The following CORO1C variants were observed in gnomAD, a reference collection of about 807,000 sequenced individuals.
CORO1C encodes the protein coronin-1C.
A neutral mutation model predicts 51.2 loss-of-function variants in CORO1C; 14 were observed. The observed-to-expected ratio is 0.27, with a 90% CI of 0.18 to 0.43. The LOEUF (loss-of-function observed/expected upper bound fraction) is 0.43, where lower values mean the gene tolerates loss of function less well. CORO1C is among the 20% of genes least tolerant of loss of function. The pLI is 1.00. For synonymous variants in CORO1C, 181 were observed against 210.5 expected (o/e 0.86, Z 1.21); for missense variants, 417 against 607.8 (o/e 0.69, Z 3.30).
intron 1 of CORO1C, among the ~76,000 whole-genome samples, chr12:108,717,257 T>G (rs1297837319): frequency 6.6e-6 from 1 of 152,230 alleles, no homozygotes; most frequent in East Asian, 1.9e-4. Context: ...TCTGGACTAC[T>G]TAGCCCACAG....
In CORO1C at chr12:108,680,296, C is replaced by T. The variant is rs148017712; in HGVS notation, c.196-1902G>A. On this transcript the variant is annotated intron_variant, in intron 2 of 10. Transcript: ENST00000261401. ...GGGAAAGGTAAGTTCTAAGTTGAGGCCTGAATATGGCCCTGTTTACAGACC... is the reference window on the plus strand; with the variant it reads ...GGGAAAGGTAAGTTCTAAGTTGAGGTCTGAATATGGCCCTGTTTACAGACC... Among the ~76,000 whole-genome samples, 7 of 152,286 alleles carry T rather than the reference C, an allele frequency of 4.6e-5. No individual in the cohort carries two copies. In the East Asian group the frequency reaches 9.6e-4, roughly 21 times the overall value.
At chr12:108,664,511 A>G (rs944485449) in intron 3 of CORO1C, among the ~76,000 whole-genome samples, 20 of 152,234 alleles carry the variant, frequency 1.3e-4, no homozygotes, top group African/African-American at 4.8e-4. Flanking sequence ...TATGCAAATC[A>G]TAACAAAAAT....
At chr12:108,718,980 C>T (rs1180202406) in intron 1 of CORO1C, among the ~76,000 whole-genome samples, 6 of 152,246 alleles carry the variant, frequency 3.9e-5, no homozygotes, top group South Asian at 2.1e-4. Context: ...CAAATAAACA[C>T]GGCCCACTTT....
chr12:108,684,616 T>C (rs2034236565), intron 2 of CORO1C, among the ~76,000 whole-genome samples: 1 of 152,144 alleles, frequency 6.6e-6, no homozygotes, highest in South Asian at 2.1e-4. Context: ...AAAAATATGA[T>C]ACATATTTGA....
chr12:108,649,167 G>T, intron 8 of CORO1C, 147 bp from the exon 9 acceptor site: 1 of 830,874 alleles, frequency 1.2e-6, no homozygotes, highest in Non-Finnish European at 1.9e-6. Context: ...GGAATAGGCA[G>T]AATTTAGTGT....
At chr12:108,693,760 A>G (rs4964734) in intron 2 of CORO1C, among the ~76,000 whole-genome samples, 93,012 of 152,072 alleles carry the variant, frequency 0.61, 29,292 homozygotes, top group East Asian at 0.99. Flanking sequence ...TTGCCCTCCT[A>G]GGGACAGAGC....
chr12:108,729,696 C>T (rs1273246566), intron 1 of CORO1C, among the ~76,000 whole-genome samples: 1 of 152,168 alleles, frequency 6.6e-6, no homozygotes, highest in African/African-American at 2.4e-5. Context: ...TACCTCCAAA[C>T]CAAAAATACT....
intron 1 of CORO1C, among the ~76,000 whole-genome samples, chr12:108,719,796 C>T (rs907392867): frequency 1.1e-4 from 17 of 152,156 alleles, no homozygotes; most frequent in African/African-American, 3.9e-4. Flanking sequence ...CTTTAAATCC[C>T]CTTGACAGAA....
At position 108,658,496 on chromosome 12, in the gene CORO1C, A is replaced by T. The variant is rs561719647; in HGVS notation, c.630+242T>A. On this transcript the variant is annotated intron_variant, in intron 5 of 10. Transcript: ENST00000261401. The surrounding 1 kb of genome is among the most constrained non-coding windows in gnomAD (Gnocchi z 4.9). ...TAAGGACTCTAGTGAACTGATACAA[A>T]CTATTTCTTTGTGAAAAAAGGCTAC... 1.3e-5 allele frequency among the ~76,000 whole-genome samples: 2 copies of T among 152,328 alleles called. No homozygotes were observed. Among genetic ancestry groups the T allele is most frequent in the South Asian group, 4.1e-4 (2 of 4,828 alleles).
At chr12:108,720,763 T>C (rs2136886655) in intron 1 of CORO1C, among the ~76,000 whole-genome samples, 1 of 152,222 alleles carries the variant, frequency 6.6e-6, no homozygotes, top group Non-Finnish European at 1.5e-5. Flanking sequence ...GACCTCGTGA[T>C]CCACCCGCCT....
At chr12:108,668,471 T>A (rs1343860683) in intron 3 of CORO1C, 1 of 152,204 alleles carries the variant, frequency 6.6e-6, no homozygotes, top group Non-Finnish European at 1.5e-5. Flanking sequence ...CTTTTAAAAA[T>A]TGTCTAGCAG....
chr12:108,686,451 TC>T (rs1201840667), intron 2 of CORO1C, among the ~76,000 whole-genome samples: 2 of 152,222 alleles, frequency 1.3e-5, no homozygotes, highest in Non-Finnish European at 2.9e-5. Context: ...TAGAAAAACT[TC>T]ACTTTACTAA....
intron 6 of CORO1C, among the ~76,000 whole-genome samples, chr12:108,655,314 G>C (rs1300118827): frequency 3.3e-5 from 5 of 151,956 alleles, no homozygotes; most frequent in African/African-American, 1.2e-4. Context: ...CAAAACACTA[G>C]ATTCTTCATT....
intron 4 of CORO1C, among the ~76,000 whole-genome samples, chr12:108,660,993 G>C (rs2033238033): frequency 6.6e-6 from 1 of 152,114 alleles, no homozygotes; most frequent in African/African-American, 2.4e-5. Context: ...TGAGGGGAAA[G>C]ACCTTTAAAA....
intron 1 of CORO1C, among the ~76,000 whole-genome samples, chr12:108,704,093 A>G (rs1305067144): frequency 6.6e-6 from 1 of 152,246 alleles, no homozygotes; most frequent in Middle Eastern, 3.2e-3. Context: ...TCATAAAAAT[A>G]GGAAGATTAA....
In CORO1C at chr12:108,678,365, T is replaced by C; in HGVS notation, c.225A>G (p.Thr75=). The C allele has an allele frequency of 1.9e-6, 3 of 1,599,816 alleles. No individual in the cohort carries two copies. Among genetic ancestry groups the C allele is most frequent in the Non-Finnish European group, 2.6e-6 (3 of 1,173,092 alleles). Residue 75 remains threonine, a synonymous_variant, in exon 3 of 11, where the codon ACA becomes ACG. Coordinates refer to ENST00000261401, the MANE Select transcript of CORO1C (RefSeq NM_014325.4). ...GCACTGGTCCTGTGTGGCCACATAC[T>C]GTAGGGTAAGATTTGTCAATTCGAC... ...KTGRIDKSYP[T]VCGHTGPVLD...
At chr12:108,655,518 T>G (rs2032915522) in intron 6 of CORO1C, among the ~76,000 whole-genome samples, 1 of 152,224 alleles carries the variant, frequency 6.6e-6, no homozygotes, top group African/African-American at 2.4e-5. Context: ...TGCCTGCGAT[T>G]GCAAGCGCGC....
chr12:108,724,719 A>G (rs1156945382), intron 1 of CORO1C, among the ~76,000 whole-genome samples: 2 of 152,236 alleles, frequency 1.3e-5, no homozygotes, highest in East Asian at 3.8e-4. Context: ...GAAGAAATGT[A>G]GATCATTGCC....
At chr12:108,691,539 C>A (rs1051098426) in intron 2 of CORO1C, among the ~76,000 whole-genome samples, 1 of 152,308 alleles carries the variant, frequency 6.6e-6, no homozygotes, top group East Asian at 1.9e-4. Context: ...CAGACTGGCA[C>A]GCTCCACAAA....
Sources: allele counts gnomAD v4.1 joint callset (sites outside exome capture counted in the v4.1 genomes callset), GRCh38; gene constraint gnomAD v4.1.1; non-coding constraint Gnocchi (gnomAD v3.1); transcripts MANE v1.5; gene names NCBI Gene and HGNC (gene_info 2026-07-23, HGNC 2026-07-21).